Variants in SIPA1L1 observed in about 807,000 individuals in gnomAD.
SIPA1L1 encodes signal induced proliferation associated 1 like 1, also known as signal-induced proliferation-associated 1-like protein 1.
Under a neutral mutation model 162.7 loss-of-function variants are expected in SIPA1L1, and 26 were observed. The ratio of observed to expected loss-of-function variants is 0.16; its 90% CI spans 0.12 to 0.22. The LOEUF (loss-of-function observed/expected upper bound fraction) is 0.22, where lower values mean the gene tolerates loss of function less well. Among genes scored for constraint, SIPA1L1 ranks in the 10% least tolerant of loss-of-function variants. The pLI is 1.00. For missense variants in SIPA1L1, 1,874 were observed against 2,241.0 expected, an observed-to-expected ratio of 0.84 and a Z score of 3.31; for synonymous variants, 829 against 837.4, an observed-to-expected ratio of 0.99 and a Z score of 0.17.
At chr14:71,357,731 TTTG>T (rs1197244720) in intron 2 of SIPA1L1, among the ~76,000 whole-genome samples, 3 of 151,660 alleles carry the variant, frequency 2.0e-5, no homozygotes, top group Admixed American at 1.3e-4. Flanking sequence ...CCGGCTAATT[TTTG>T]TTGTTGTTGT....
intron 2 of SIPA1L1, among the ~76,000 whole-genome samples, chr14:71,488,824 G>T (rs2048991334): frequency 6.6e-6 from 1 of 152,184 alleles, no homozygotes; most frequent in South Asian, 2.1e-4. Flanking sequence ...GCACGCCACT[G>T]AAAATATGCT....
intron 3 of SIPA1L1, among the ~76,000 whole-genome samples, chr14:71,521,541 C>T (rs2052354392): frequency 6.6e-6 from 1 of 152,184 alleles, no homozygotes; most frequent in South Asian, 2.1e-4. Flanking sequence ...TTATGGCCTA[C>T]TTCATAGTAG....
At chr14:71,640,612 A>G (rs908220876) in intron 7 of SIPA1L1, among the ~76,000 whole-genome samples, 5 of 152,154 alleles carry the variant, frequency 3.3e-5, no homozygotes, top group African/African-American at 1.2e-4. Context: ...TAAAACAATT[A>G]TATTGAAATT....
chr14:71,362,032 T>C (rs2037860908), intron 2 of SIPA1L1, among the ~76,000 whole-genome samples: 1 of 152,136 alleles, frequency 6.6e-6, no homozygotes, highest in African/African-American at 2.4e-5. Flanking sequence ...TCTGGTGGAG[T>C]CACATGTTTA....
At chr14:71,542,949 T>A (rs2054612608) in intron 4 of SIPA1L1, among the ~76,000 whole-genome samples, 1 of 152,102 alleles carries the variant, frequency 6.6e-6, no homozygotes, top group Non-Finnish European at 1.5e-5. Context: ...AGTCCTACTC[T>A]TTTCTGTAGC....
intron 5 of SIPA1L1, 86 bp from the exon 6 acceptor site, chr14:71,618,671 T>G (rs2039091445): frequency 1.7e-6 from 2 of 1,207,960 alleles, no homozygotes; most frequent in Non-Finnish European, 2.3e-6. Flanking sequence ...AATTTCTGAG[T>G]GACAACCTTA....
chr14:71,464,466 C>T (rs761466115), intron 2 of SIPA1L1, among the ~76,000 whole-genome samples: 1 of 152,074 alleles, frequency 6.6e-6, no homozygotes, highest in South Asian at 2.1e-4. Flanking sequence ...CATGATGAGA[C>T]CCTGTCTCTT....
chr14:71,397,646 C>G (rs1412453858), intron 2 of SIPA1L1, among the ~76,000 whole-genome samples: 1 of 152,194 alleles, frequency 6.6e-6, no homozygotes, highest in Non-Finnish European at 1.5e-5. Flanking sequence ...TTAAAAACTT[C>G]ATGGAATCCT....
At position 71,412,021 on chromosome 14, in the gene SIPA1L1, C is replaced by T. The variant is rs551084263; in HGVS notation, c.-465+90840C>T. Among the ~76,000 whole-genome samples the T allele has an allele frequency of 5.3e-5, 8 of 152,248 alleles. No individual in the cohort carries two copies. The South Asian group carries it at 1.7e-3, about 32-fold the overall frequency. The stretch of plus-strand genomic sequence containing the variant: ...TTACTACTGCAGATCAGCTGCCAGC[C>T]ATGTCTTATTTATATAATTAGTTGT... On this transcript the variant is annotated intron_variant, in intron 2 of 23. Coordinates refer to ENST00000381232, the MANE Select transcript of SIPA1L1 (RefSeq NM_001386936.1).
chr14:71,435,335 C>G (rs955826447), intron 2 of SIPA1L1, among the ~76,000 whole-genome samples: 2 of 152,070 alleles, frequency 1.3e-5, no homozygotes, highest in African/African-American at 4.8e-5. Flanking sequence ...CTTCCCCCAC[C>G]CCACGACAGG....
intron 12 of SIPA1L1, among the ~76,000 whole-genome samples, chr14:71,680,926 C>T (rs1443106835): frequency 6.6e-6 from 1 of 152,210 alleles, no homozygotes; most frequent in Admixed American, 6.5e-5. Flanking sequence ...TGCCTGTCCT[C>T]ATCTTGATCC....
At chr14:71,550,189 G>A (rs902792531) in intron 4 of SIPA1L1, among the ~76,000 whole-genome samples, 1 of 152,178 alleles carries the variant, frequency 6.6e-6, no homozygotes, top group Admixed American at 6.5e-5. Context: ...GAAGTTTGTT[G>A]CAGTGAGTTG....
chr14:71,703,581 C>G (rs2082239279), intron 15 of SIPA1L1, among the ~76,000 whole-genome samples: 1 of 152,214 alleles, frequency 6.6e-6, no homozygotes, highest in Non-Finnish European at 1.5e-5. Context: ...CACAGAAAAC[C>G]TGAGCATATT....
At chr14:71,371,589 AG>A (rs2038895679) in intron 2 of SIPA1L1, among the ~76,000 whole-genome samples, 1 of 151,980 alleles carries the variant, frequency 6.6e-6, no homozygotes, top group Non-Finnish European at 1.5e-5. Context: ...TGGTTGGGAC[AG>A]GGTTTCACCC....
intron 2 of SIPA1L1, among the ~76,000 whole-genome samples, chr14:71,374,991 G>C (rs2039244621): frequency 6.6e-6 from 1 of 152,122 alleles, no homozygotes; most frequent in South Asian, 2.1e-4. Flanking sequence ...TTCTCCAATA[G>C]AGACAGACCA....
At chr14:71,666,002 A>T (rs149890552) in intron 10 of SIPA1L1, among the ~76,000 whole-genome samples, 29 of 152,334 alleles carry the variant, frequency 1.9e-4, no homozygotes, top group African/African-American at 6.7e-4. Context: ...TGTGTGCTTC[A>T]GTCACTCCTG....
At chr14:71,653,048 TG>T (rs1334967998) in intron 8 of SIPA1L1, among the ~76,000 whole-genome samples, 1 of 152,210 alleles carries the variant, frequency 6.6e-6, no homozygotes, top group Non-Finnish European at 1.5e-5. Context: ...GTCTTAATTT[TG>T]TTATCTTCTT....
chr14:71,591,040 T>C (rs927569406), intron 5 of SIPA1L1, among the ~76,000 whole-genome samples: 4 of 152,126 alleles, frequency 2.6e-5, no homozygotes, highest in African/African-American at 9.7e-5. Flanking sequence ...TGCAGGTGTG[T>C]CTGAGCTGTC....
intron 2 of SIPA1L1, among the ~76,000 whole-genome samples, chr14:71,328,084 G>A (rs1298813806): frequency 6.6e-6 from 1 of 152,150 alleles, no homozygotes; most frequent in South Asian, 2.1e-4. Flanking sequence ...TTAATGATGA[G>A]TCTCAGTATT....
Sources: gnomAD v4.1 joint callset for allele counts (sites outside exome capture counted in the v4.1 genomes callset) on GRCh38, gnomAD v4.1.1 for gene constraint, MANE v1.5 for transcripts, NCBI Gene and HGNC (gene_info 2026-07-23, HGNC 2026-07-21) for gene names.